TRIM35: variants seen among roughly 807,000 people sequenced by gnomAD.
TRIM35 encodes the protein tripartite motif containing 35, also known as E3 ubiquitin-protein ligase TRIM35.
In TRIM35, 37 loss-of-function variants were observed where a neutral mutation model predicts 49.1. That is an observed-to-expected ratio of 0.75 (90% CI 0.58 to 0.99). The LOEUF is 0.99. TRIM35 is among the 50% of genes least tolerant of loss of function. TRIM35 has a pLI of 0.00. For missense variants in TRIM35, 648 were observed against 702.7 expected, an observed-to-expected ratio of 0.92 and a Z score of 0.88; for synonymous variants, 302 against 289.3, an observed-to-expected ratio of 1.04 and a Z score of -0.45.
At chr8:27,288,390 G>T (rs1802383745) in intron 5 of TRIM35, among the ~76,000 whole-genome samples, 1 of 152,106 alleles carries the variant, frequency 6.6e-6, no homozygotes, top group South Asian at 2.1e-4. Context: ...GAAGACTGGA[G>T]GAGGGTCCCC....
chr8:27,287,488 T>C lies in TRIM35; in HGVS notation c.*62A>G, dbSNP rs954444391. ...CAATAGTGCCCAAGCAGTGTGGGCA[T>C]TAGGAAGAGGGCAGAAAGAAAACAG... On this transcript the variant is annotated 3_prime_UTR_variant, in exon 6 of 6. Transcript: ENST00000305364. The surrounding 1 kb of genome is among the most constrained non-coding windows in gnomAD (Gnocchi z 6.0). 11 of 1,458,122 alleles carry C rather than the reference T, an allele frequency of 7.5e-6. No individual in the cohort carries two copies. The African/African-American group carries it at 1.4e-4, about 19-fold the overall frequency. 90.3% of individuals were successfully genotyped at this position (1,458,122 alleles called of 1,614,324 possible).
chr8:27,304,343 T>C (rs1412595225), intron 1 of TRIM35, among the ~76,000 whole-genome samples: 8 of 152,244 alleles, frequency 5.3e-5, no homozygotes, highest in African/African-American at 7.2e-5. Context: ...AGGTTTTCTG[T>C]CTTGTGAGAC....
intron 1 of TRIM35, among the ~76,000 whole-genome samples, chr8:27,310,208 C>T (rs146157860): frequency 1.0e-3 from 155 of 152,214 alleles, no homozygotes; most frequent in African/African-American, 2.9e-3. Context: ...TTAGTTTTGC[C>T]CTGTAAGTTG....
rs111803619 is a variant in TRIM35 at position 27,309,547 on chromosome 8, G to C, written c.435+1254C>G. On this transcript the variant is annotated intron_variant, in intron 1 of 5. Coordinates refer to ENST00000305364, the MANE Select transcript of TRIM35 (RefSeq NM_171982.5). ...GGGCCACAGAGGGGGCCAGAAACCA[G>C]GCACAGGGGACTCGGGCAGCTCCTC... Among the ~76,000 whole-genome samples, 10 of 152,316 alleles carry C rather than the reference G, an allele frequency of 6.6e-5. No homozygotes were observed. In the East Asian group the frequency reaches 1.9e-3, roughly 29 times the overall value.
At chr8:27,297,674 C>T (rs1159719955) in intron 2 of TRIM35, among the ~76,000 whole-genome samples, 1 of 152,146 alleles carries the variant, frequency 6.6e-6, no homozygotes, top group Non-Finnish European at 1.5e-5. Flanking sequence ...GGAAATTATG[C>T]CATCGAGTAA....
intron 1 of TRIM35, among the ~76,000 whole-genome samples, chr8:27,300,223 C>T (rs558677334): frequency 6.6e-6 from 1 of 152,348 alleles, no homozygotes; most frequent in East Asian, 1.9e-4. Context: ...GGATCCTGCC[C>T]TAGCTGAGCC....
In TRIM35 at chr8:27,286,352, C is replaced by T. The variant is rs1227953472; in HGVS notation, c.*1198G>A. On this transcript the variant is annotated 3_prime_UTR_variant, in exon 6 of 6. Transcript: ENST00000305364. ...ACAAGAGGGCAGCGAGGCCCAGCCT[C>T]CTCTTCCCTCTCCCACAGCGTTTAG... is the stretch of plus-strand genomic sequence containing the variant. 5 of 358,414 alleles carry T rather than the reference C, an allele frequency of 1.4e-5. No homozygotes were observed. The highest frequency in any genetic ancestry group is 2.8e-5 in the Non-Finnish European group (5 of 181,750). The allele number at this position is 358,414 out of a possible 1,614,324, so 22.2% of individuals were successfully genotyped here.
Position 27,286,138 on chromosome 8 carries a change from C to T in TRIM35, c.*1412G>A, listed in dbSNP as rs979094564. 4.6e-5 allele frequency: 21 copies of T among 455,880 alleles called. No individual in the cohort carries two copies. Among genetic ancestry groups the T allele is most frequent in the African/African-American group, 3.6e-4 (18 of 50,010 alleles). The allele number at this position is 455,880 out of a possible 1,614,324, so 28.2% of individuals were successfully genotyped here. On this transcript the variant is annotated 3_prime_UTR_variant, in exon 6 of 6. Coordinates refer to ENST00000305364, the MANE Select transcript of TRIM35 (RefSeq NM_171982.5). ...TGTGACCCAGATTTTAACACTGCTCCTAGGAAAAAAAAATATTTCCTTTTA... is the reference window on the plus strand; with the variant it reads ...TGTGACCCAGATTTTAACACTGCTCTTAGGAAAAAAAAATATTTCCTTTTA...
chr8:27,286,766 C>T lies in TRIM35; in HGVS notation c.*784G>A, dbSNP rs539158141. 1.2e-3 allele frequency: 185 copies of T among 152,838 alleles called. No individual in the cohort carries two copies. Among genetic ancestry groups the T allele is most frequent in the Non-Finnish European group, 2.3e-3 (157 of 68,482 alleles). The allele number at this position is 152,838 out of a possible 1,614,324, so 9.5% of individuals were successfully genotyped here. ...CCTCGCTGACCTGGACAGACTGATC[C>T]TCCCAGGCTAGCCAATCCCCCAATC... On this transcript the variant is annotated 3_prime_UTR_variant, in exon 6 of 6. Coordinates refer to ENST00000305364, the MANE Select transcript of TRIM35 (RefSeq NM_171982.5).
intron 1 of TRIM35, among the ~76,000 whole-genome samples, chr8:27,306,632 T>C (rs914581675): frequency 1.2e-4 from 19 of 152,188 alleles, no homozygotes; most frequent in African/African-American, 3.4e-4. Context: ...CCACCATTCA[T>C]ATTTTCTTAA....
Position 27,310,892 on chromosome 8 carries a change from T to A in TRIM35, c.344A>T (p.Asp115Val). Reference protein sequence around the residue: ...RGQLSLFCLEDKELLCCSCQA... With the variant: ...RGQLSLFCLEVKELLCCSCQA... ...GCAGGAGCAGCACAGCAGCTCCTTG[T>A]CCTCGAGGCAGAAGAGGCTGAGCTG... Residue 115 changes from aspartate to valine, a missense_variant, in exon 1 of 6, where the codon GAC becomes GTC. Physicochemically the swap from Asp to Val is radical, Grantham distance 152. Coordinates refer to ENST00000305364, the MANE Select transcript of TRIM35 (RefSeq NM_171982.5). 1 of 1,612,912 alleles carries A rather than the reference T, an allele frequency of 6.2e-7. No homozygotes were observed. Among genetic ancestry groups the A allele is most frequent in the Non-Finnish European group, 8.5e-7 (1 of 1,179,840 alleles).
chr8:27,302,143 A>G (rs984193631), intron 1 of TRIM35, among the ~76,000 whole-genome samples: 1 of 152,212 alleles, frequency 6.6e-6, no homozygotes, highest in Non-Finnish European at 1.5e-5. Flanking sequence ...TGAGGGTCAT[A>G]TAAATTTTAG....
At chr8:27,295,242 A>G (rs1802541545) in intron 2 of TRIM35, among the ~76,000 whole-genome samples, 1 of 152,256 alleles carries the variant, frequency 6.6e-6, no homozygotes, top group South Asian at 2.1e-4. Context: ...GAAACTGAGA[A>G]GCCTTGAAGA....
At position 27,311,238 on chromosome 8, in the gene TRIM35, C is replaced by A. The variant is rs754408537; in HGVS notation, c.-3G>T. The stretch of plus-strand genomic sequence containing the variant: ...GACACGTCGGGACTCCGCTCCATGG[C>A]ACGAGCAGCCGGCTCGGGCGCCCGG... On this transcript the variant is annotated 5_prime_UTR_variant, in exon 1 of 6. Transcript: ENST00000305364. 2.0e-6 allele frequency: 3 copies of A among 1,521,476 alleles called. No individual in the cohort carries two copies. Among genetic ancestry groups the A allele is most frequent in the Non-Finnish European group, 1.8e-6 (2 of 1,133,814 alleles). 94.2% of individuals were successfully genotyped at this position (1,521,476 alleles called of 1,614,324 possible). A position where few individuals can be genotyped will look rare whatever the true frequency, so the allele number is the denominator to read the frequency against.
rs556010351 is a variant in TRIM35 at position 27,288,986 on chromosome 8, A to G, written c.904+176T>C. On this transcript the variant is annotated intron_variant, in intron 5 of 5. Coordinates refer to ENST00000305364, the MANE Select transcript of TRIM35 (RefSeq NM_171982.5). ...GGGTTGGAGGTGTTGGGCAGAGTGG[A>G]AAAGACCAGGGTACAGGAACCTGCC... 2.6e-5 allele frequency among the ~76,000 whole-genome samples: 4 copies of G among 152,324 alleles called. No homozygotes were observed. In the East Asian group the frequency reaches 7.7e-4, roughly 29 times the overall value.
At chr8:27,294,582 C>T (rs911739050) in intron 2 of TRIM35, among the ~76,000 whole-genome samples, 4 of 152,150 alleles carry the variant, frequency 2.6e-5, no homozygotes, top group African/African-American at 9.7e-5. Flanking sequence ...AGTACTATAA[C>T]CTCATCTACA....
At chr8:27,301,239 G>A (rs1802676684) in intron 1 of TRIM35, among the ~76,000 whole-genome samples, 2 of 152,076 alleles carry the variant, frequency 1.3e-5, no homozygotes, top group East Asian at 1.9e-4. Flanking sequence ...TATTTAATTC[G>A]AATTCTCCCT....
At chr8:27,298,393 C>T (rs1336676294) in intron 2 of TRIM35, 71 bp downstream of exon 2, 24 of 1,462,466 alleles carry the variant, frequency 1.6e-5, no homozygotes, top group Non-Finnish European at 2.3e-5. Context: ...CCACGGCTGA[C>T]ACATCTTCAC....
At position 27,294,672 on chromosome 8, in the gene TRIM35, AATG is replaced by A. The variant is rs567582837; in HGVS notation, c.532-365_532-363del. 6.7e-3 allele frequency among the ~76,000 whole-genome samples: 1,021 copies of A among 152,350 alleles called. 2 individuals carry two copies. Among genetic ancestry groups the A allele is most frequent in the Middle Eastern group, 0.017 (5 of 294 alleles). On this transcript the variant is annotated intron_variant, in intron 2 of 5. Coordinates refer to ENST00000305364, the MANE Select transcript of TRIM35 (RefSeq NM_171982.5). Reference sequence around the variant, plus strand: ...ATAGAAATGAATGGCTGCGAATAGCAATGATTTTTTTTTAAGTATTTACCTTCC... The same window carrying A: ...ATAGAAATGAATGGCTGCGAATAGCAATTTTTTTTTAAGTATTTACCTTCC...
Sources: allele counts gnomAD v4.1 joint callset (sites outside exome capture counted in the v4.1 genomes callset), GRCh38; gene constraint gnomAD v4.1.1; non-coding constraint Gnocchi (gnomAD v3.1); transcripts MANE v1.5; gene names NCBI Gene and HGNC (gene_info 2026-07-23, HGNC 2026-07-21).